The following CLSTN1 variants were observed in gnomAD, a reference collection of about 807,000 sequenced individuals.
CLSTN1 encodes the protein calsyntenin 1, also known as calsyntenin-1.
In CLSTN1, 28 loss-of-function variants were observed where a neutral mutation model predicts 108.3. That is an observed-to-expected ratio of 0.26 (90% CI 0.19 to 0.35). The LOEUF is 0.35. CLSTN1 is among the 10% of genes least tolerant of loss of function. The pLI, the probability that CLSTN1 is intolerant of heterozygous loss-of-function variation, is 1.00. For missense variants in CLSTN1, 1,157 were observed against 1,302.6 expected, an observed-to-expected ratio of 0.89 and a Z score of 1.72; for synonymous variants, 524 against 534.9, an observed-to-expected ratio of 0.98 and a Z score of 0.28.
chr1:9,776,468 TACTGA>T (rs1299621249), intron 1 of CLSTN1, among the ~76,000 whole-genome samples: 2 of 152,126 alleles, frequency 1.3e-5, no homozygotes, highest in African/African-American at 4.8e-5. Context: ...TACTTGATGC[TACTGA>T]ACTGAACGCT....
At position 9,792,794 on chromosome 1, in the gene CLSTN1, G is replaced by T. The variant is rs545065781; in HGVS notation, c.92-19400C>A. 8.4e-4 allele frequency among the ~76,000 whole-genome samples: 127 copies of T among 151,302 alleles called. 1 individual carries two copies. Among genetic ancestry groups the T allele is most frequent in the African/African-American group, 3.0e-3 (124 of 41,496 alleles). Reference sequence around the variant, plus strand: ...CCAAGGTGGATGGGTGCAGGGGTGGGGTCAAGTTTCTGCTAGTGTTTCTCA... The same window carrying T: ...CCAAGGTGGATGGGTGCAGGGGTGGTGTCAAGTTTCTGCTAGTGTTTCTCA... On this transcript the variant is annotated intron_variant, in intron 1 of 18. Transcript: ENST00000377298.
At chr1:9,770,138 C>T (rs984667670) in intron 2 of CLSTN1, among the ~76,000 whole-genome samples, 1 of 151,538 alleles carries the variant, frequency 6.6e-6, no homozygotes, top group Admixed American at 6.6e-5. Flanking sequence ...TGAAAATATC[C>T]AAAAGGAAAA....
chr1:9,736,638 A>G (rs1008135629), intron 11 of CLSTN1, among the ~76,000 whole-genome samples: 2 of 152,252 alleles, frequency 1.3e-5, no homozygotes, highest in African/African-American at 4.8e-5. Flanking sequence ...CCCTTGACAG[A>G]TGACAACAAA....
intron 1 of CLSTN1, among the ~76,000 whole-genome samples, chr1:9,792,698 C>T (rs942143374): frequency 2.6e-5 from 4 of 151,314 alleles, no homozygotes; most frequent in African/African-American, 7.3e-5. Flanking sequence ...AGAGAGGATG[C>T]GTGAAGATGG....
intron 1 of CLSTN1, among the ~76,000 whole-genome samples, chr1:9,804,038 T>C (rs1192027570): frequency 6.6e-6 from 1 of 152,092 alleles, no homozygotes; most frequent in Non-Finnish European, 1.5e-5. Context: ...CGTTTACTTA[T>C]ATTTTTGTAC....
At chr1:9,783,435 T>G (rs1557713251) in intron 1 of CLSTN1, among the ~76,000 whole-genome samples, 1 of 152,072 alleles carries the variant, frequency 6.6e-6, no homozygotes, top group Non-Finnish European at 1.5e-5. Flanking sequence ...TTTTAAAAAA[T>G]TAGGCTGGAC....
chr1:9,813,887 G>C lies in CLSTN1; in HGVS notation c.91+9756C>G, dbSNP rs145770661. On this transcript the variant is annotated intron_variant, in intron 1 of 18. Transcript: ENST00000377298. Reference sequence around the variant, plus strand: ...GGCCAAGGCGGGAGGATCACAAGGTGAGGAGATCGAGACCATCCTGGCTAA... The same window carrying C: ...GGCCAAGGCGGGAGGATCACAAGGTCAGGAGATCGAGACCATCCTGGCTAA... 5.9e-3 allele frequency among the ~76,000 whole-genome samples: 897 copies of C among 151,662 alleles called. 12 individuals carry two copies. Among genetic ancestry groups the C allele is most frequent in the East Asian group, 0.043 (223 of 5,134 alleles).
chr1:9,798,502 CAT>C (rs1188655049), intron 1 of CLSTN1, among the ~76,000 whole-genome samples: 2 of 152,200 alleles, frequency 1.3e-5, no homozygotes, highest in East Asian at 1.9e-4. Flanking sequence ...TCACGTATCA[CAT>C]GATTCCCCCA....
chr1:9,755,332 G>T (rs1250074293), intron 3 of CLSTN1, 23 bp from the exon 4 acceptor site: 1 of 1,581,838 alleles, frequency 6.3e-7, no homozygotes, highest in Admixed American at 1.7e-5. Flanking sequence ...AGCAGAACAG[G>T]TAAGAATTCC....
At chr1:9,784,080 G>A (rs1653369428) in intron 1 of CLSTN1, among the ~76,000 whole-genome samples, 2 of 151,382 alleles carry the variant, frequency 1.3e-5, no homozygotes, top group South Asian at 4.2e-4. Context: ...GCTGGGGCAG[G>A]AGAATTGCCT....
chr1:9,743,065 CAT>C (rs1390319947), intron 9 of CLSTN1, among the ~76,000 whole-genome samples: 2 of 152,156 alleles, frequency 1.3e-5, no homozygotes, highest in South Asian at 4.1e-4. Context: ...GCACATATAA[CAT>C]ATGTCAGCTT....
intron 2 of CLSTN1, among the ~76,000 whole-genome samples, chr1:9,763,287 A>G (rs1652173292): frequency 6.6e-6 from 1 of 152,236 alleles, no homozygotes; most frequent in African/African-American, 2.4e-5. Flanking sequence ...ATATGTAACA[A>G]TAACCACAGA....
rs772026402 is a variant in CLSTN1, at chr1:9,773,339, G to T, written c.147C>A (p.Asn49Lys). The change falls in exon 2 of 19, where the codon AAC (asparagine) becomes AAA (lysine). Residue 49 changes from asparagine (N) to lysine (K), a missense_variant. By Grantham distance (94) the Asn-to-Lys change is moderately conservative. Transcript: ENST00000377298. ...EPTYHGIVTE[N>K]DNTVLLDPPL... is the part of the protein sequence containing the mutation. ...GGGGGTCGAGGAGCACGGTGTTGTC[G>T]TTCTCTGTGACTATGCCGTGGTAGG... is the stretch of plus-strand genomic sequence containing the variant. The T allele has an allele frequency of 1.9e-6, 3 of 1,614,150 alleles. No homozygotes were observed. The highest frequency in any genetic ancestry group is 2.5e-6 in the Non-Finnish European group (3 of 1,180,018).
At position 9,729,690 on chromosome 1, in the gene CLSTN1, G is replaced by T. The variant is rs758310156; in HGVS notation, c.*818C>A. 1 of 151,540 alleles carries T rather than the reference G, an allele frequency of 6.6e-6. No homozygotes were observed. Among genetic ancestry groups the T allele is most frequent in the Non-Finnish European group, 1.5e-5 (1 of 68,242 alleles). The allele number at this position is 151,540 out of a possible 1,614,324, so 9.4% of individuals were successfully genotyped here. On this transcript the variant is annotated 3_prime_UTR_variant, in exon 19 of 19. Coordinates refer to ENST00000377298, the MANE Select transcript of CLSTN1 (RefSeq NM_001009566.3). The stretch of plus-strand genomic sequence containing the variant: ...GGAGCTGCTGTCGGAGGAGGAGTGT[G>T]GAAAAGGGGCCAGGGACCCCGCACC...
At chr1:9,792,192 A>AAAC (rs539933669) in intron 1 of CLSTN1, among the ~76,000 whole-genome samples, 134 of 150,994 alleles carry the variant, frequency 8.9e-4, no homozygotes, top group Non-Finnish European at 1.3e-3. Context: ...TCAAGGGGAA[A>AAAC]AACAACAACA....
At chr1:9,751,389 C>A in intron 5 of CLSTN1, 84 bp downstream of exon 5, 2 of 1,327,040 alleles carry the variant, frequency 1.5e-6, no homozygotes, top group Non-Finnish European at 2.1e-6. Context: ...GAAGTTCTGA[C>A]GAAGCACAGA....
At chr1:9,793,000 T>A (rs1653833709) in intron 1 of CLSTN1, among the ~76,000 whole-genome samples, 1 of 151,270 alleles carries the variant, frequency 6.6e-6, no homozygotes, top group African/African-American at 2.4e-5. Context: ...GAAATCTCGA[T>A]TAAAACGCAG....
chr1:9,755,062 G>A lies in CLSTN1; in HGVS notation c.440+52C>T, dbSNP rs1651745903. On this transcript the variant is annotated intron_variant, in intron 4 of 18. Transcript: ENST00000377298. ...ATAGTCACTACTATTTTCGTTCTGC[G>A]CACACACGTTTACTCGGTGGGTTAT... 1.5e-5 allele frequency: 22 copies of A among 1,516,056 alleles called. 1 individual carries two copies. Among genetic ancestry groups the A allele is most frequent in the South Asian group, 1.2e-4 (10 of 83,406 alleles). The allele number at this position is 1,516,056 out of a possible 1,614,324, so 93.9% of individuals were successfully genotyped here. A position where few individuals can be genotyped will look rare whatever the true frequency, so the allele number is the denominator to read the frequency against.
At chr1:9,762,273 T>C (rs12064975) in intron 2 of CLSTN1, among the ~76,000 whole-genome samples, 32,818 of 151,752 alleles carry the variant, frequency 0.22, 7,089 homozygotes, top group African/African-American at 0.55. Flanking sequence ...ACCAGCCTGG[T>C]CAACATGGTG....
Sources: gnomAD v4.1 joint callset for allele counts (sites outside exome capture counted in the v4.1 genomes callset) on GRCh38, gnomAD v4.1.1 for gene constraint, MANE v1.5 for transcripts, NCBI Gene and HGNC (gene_info 2026-07-23, HGNC 2026-07-21) for gene names.